The following DPP10 variants were observed in gnomAD, a reference collection of about 807,000 sequenced individuals.
DPP10 encodes the protein inactive dipeptidyl peptidase 10.
A neutral mutation model predicts 120.9 loss-of-function variants in DPP10; 33 were observed. The observed-to-expected ratio is 0.27, with a 90% CI of 0.21 to 0.37. The LOEUF (loss-of-function observed/expected upper bound fraction) is 0.37, where lower values mean the gene tolerates loss of function less well. DPP10 is among the 10% of genes least tolerant of loss of function. The pLI, the probability that DPP10 is intolerant of heterozygous loss-of-function variation, is 1.00. For missense variants in DPP10, 816 were observed against 942.8 expected (o/e 0.87, Z 1.76); for synonymous variants, 337 against 326.1 (o/e 1.03, Z -0.36).
At chr2:115,635,553 A>G (rs1273307745) in intron 5 of DPP10, among the ~76,000 whole-genome samples, 1 of 152,152 alleles carries the variant, frequency 6.6e-6, no homozygotes. Flanking sequence ...AGACCTGGAT[A>G]CCTCAGTTCA....
intron 3 of DPP10, among the ~76,000 whole-genome samples, chr2:115,448,755 A>G (rs1025164733): frequency 6.6e-6 from 1 of 152,174 alleles, no homozygotes; most frequent in African/African-American, 2.4e-5. Context: ...GTAAATTATA[A>G]AATGCTATTC....
chr2:114,866,067 G>A (rs921049037), intron 1 of DPP10, among the ~76,000 whole-genome samples: 2 of 151,580 alleles, frequency 1.3e-5, no homozygotes, highest in African/African-American at 2.4e-5. Flanking sequence ...AGCTGAGATC[G>A]CGCCACTGCA....
Position 115,303,309 on chromosome 2 carries a change from T to C in DPP10, c.61-5930T>C, listed in dbSNP as rs573026103. On this transcript the variant is annotated intron_variant, in intron 1 of 25. Coordinates refer to ENST00000410059, the MANE Select transcript of DPP10 (RefSeq NM_020868.6). ...CAAAAATCAGATTTTGCCTTCTTCT[T>C]TTGGAAACTCCTTGAAAGTTATCTC... 2.6e-5 allele frequency among the ~76,000 whole-genome samples: 4 copies of C among 152,118 alleles called. No individual in the cohort carries two copies. The South Asian group carries it at 8.3e-4, about 32-fold the overall frequency.
chr2:115,681,535 G>A (rs1185310642), intron 5 of DPP10, among the ~76,000 whole-genome samples: 1 of 151,666 alleles, frequency 6.6e-6, no homozygotes, highest in Admixed American at 6.6e-5. Flanking sequence ...GAGCTTTTCT[G>A]GTTGTAATCT....
intron 1 of DPP10, among the ~76,000 whole-genome samples, chr2:114,906,396 A>G (rs113596249): frequency 6.6e-6 from 1 of 151,978 alleles, no homozygotes; most frequent in Non-Finnish European, 1.5e-5. Flanking sequence ...AAAAAAAAAA[A>G]AGAAAAATTA....
At chr2:114,472,680 A>G (rs1680023776) in intron 1 of DPP10, among the ~76,000 whole-genome samples, 1 of 152,206 alleles carries the variant, frequency 6.6e-6, no homozygotes, top group South Asian at 2.1e-4. Flanking sequence ...AATCTCCCCC[A>G]ACTTCTAGTA....
intron 1 of DPP10, among the ~76,000 whole-genome samples, chr2:115,210,489 G>A (rs1160338272): frequency 1.3e-5 from 2 of 152,140 alleles, no homozygotes; most frequent in Non-Finnish European, 2.9e-5. Context: ...GTGTGTGCTT[G>A]TGTCTTTATA....
intron 19 of DPP10, among the ~76,000 whole-genome samples, chr2:115,799,162 A>G (rs928277765): frequency 6.6e-6 from 1 of 152,024 alleles, no homozygotes; most frequent in Non-Finnish European, 1.5e-5. Flanking sequence ...AGACATTAAT[A>G]CCTTGGGAAA....
At chr2:114,639,244 G>T (rs1022509826) in intron 1 of DPP10, among the ~76,000 whole-genome samples, 2 of 151,900 alleles carry the variant, frequency 1.3e-5, no homozygotes, top group Non-Finnish European at 1.5e-5. Flanking sequence ...AAGAGAGTGT[G>T]TGCAGAGAAA....
chr2:114,663,757 A>C (rs1697677774), intron 1 of DPP10, among the ~76,000 whole-genome samples: 3 of 150,438 alleles, frequency 2.0e-5, no homozygotes, highest in African/African-American at 7.4e-5. Context: ...CAGATCTGCC[A>C]CTTGCTAGCT....
intron 1 of DPP10, among the ~76,000 whole-genome samples, chr2:114,826,423 A>T (rs1352171440): frequency 6.6e-6 from 1 of 152,208 alleles, no homozygotes; most frequent in Non-Finnish European, 1.5e-5. Context: ...CATGCCTGAC[A>T]CCTCTAATCC....
At position 115,712,812 on chromosome 2, in the gene DPP10, G is replaced by GA. The variant is rs912702424; in HGVS notation, c.577-14997dup. 7.9e-5 allele frequency among the ~76,000 whole-genome samples: 12 copies of GA among 151,464 alleles called. No homozygotes were observed. In the East Asian group the frequency reaches 2.4e-3, roughly 30 times the overall value. On this transcript the variant is annotated intron_variant, in intron 7 of 25. Transcript: ENST00000410059. ...TGTTATGTAATACAAGCCTACAAATGAAAAAAATGAAATATGTTTTTGCAG... is the reference window on the plus strand; with the variant it reads ...TGTTATGTAATACAAGCCTACAAATGAAAAAAAATGAAATATGTTTTTGCAG...
intron 1 of DPP10, among the ~76,000 whole-genome samples, chr2:114,617,199 C>A (rs111553202): frequency 1.3e-5 from 2 of 151,812 alleles, no homozygotes; most frequent in African/African-American, 4.8e-5. Context: ...TGAAAACAGC[C>A]GAGAAAGACA....
intron 1 of DPP10, among the ~76,000 whole-genome samples, chr2:114,917,063 C>A (rs1574481799): frequency 6.6e-6 from 1 of 152,164 alleles, no homozygotes; most frequent in Non-Finnish European, 1.5e-5. Flanking sequence ...TCTATACTTA[C>A]TAATTTCCAT....
intron 1 of DPP10, among the ~76,000 whole-genome samples, chr2:114,450,383 T>A (rs1678194690): frequency 6.6e-6 from 1 of 152,154 alleles, no homozygotes; most frequent in South Asian, 2.1e-4. Flanking sequence ...TATAATTATT[T>A]GTTTCCATGT....
intron 1 of DPP10, among the ~76,000 whole-genome samples, chr2:114,790,716 G>T (rs1357270315): frequency 6.6e-6 from 1 of 152,178 alleles, no homozygotes; most frequent in Non-Finnish European, 1.5e-5. Context: ...GCCAGGATGA[G>T]CCAGGAAAAG....
intron 1 of DPP10, among the ~76,000 whole-genome samples, chr2:114,531,956 T>A (rs1329160369): frequency 2.0e-5 from 3 of 151,898 alleles, no homozygotes; most frequent in Non-Finnish European, 4.4e-5. Context: ...GCCCTCCCCA[T>A]TGTGGGTAGG....
chr2:115,666,914 A>C (rs2089501496), intron 5 of DPP10, among the ~76,000 whole-genome samples: 1 of 152,166 alleles, frequency 6.6e-6, no homozygotes, highest in Non-Finnish European at 1.5e-5. Flanking sequence ...ACTCACCAGC[A>C]GCAGTTATTT....
At chr2:114,540,760 C>T (rs1686884627) in intron 1 of DPP10, among the ~76,000 whole-genome samples, 2 of 152,160 alleles carry the variant, frequency 1.3e-5, no homozygotes, top group South Asian at 2.1e-4. Flanking sequence ...ATGAAGACTT[C>T]GTTTTCTAAC....
Sources: allele counts gnomAD v4.1 joint callset (sites outside exome capture counted in the v4.1 genomes callset), GRCh38; gene constraint gnomAD v4.1.1; transcripts MANE v1.5; gene names NCBI Gene and HGNC (gene_info 2026-07-23, HGNC 2026-07-21).